WLS: variants seen among roughly 807,000 people sequenced by gnomAD.
WLS encodes the protein Wnt ligand secretion mediator.
WLS carries 23 observed loss-of-function variants against 62.8 expected under a neutral mutation model. That is an observed-to-expected ratio of 0.37 (90% confidence interval 0.26 to 0.52). The LOEUF (loss-of-function observed/expected upper bound fraction) is 0.52, where lower values mean the gene tolerates loss of function less well. WLS is among the 20% of genes least tolerant of loss of function. The pLI is 0.92. For missense variants in WLS, 615 were observed against 697.3 expected (o/e 0.88, Z 1.33); for synonymous variants, 246 against 244.1 (o/e 1.01, Z -0.07).
intron 3 of WLS, 116 bp from the exon 4 acceptor site, chr1:68,155,376 C>G: frequency 7.8e-7 from 1 of 1,288,700 alleles, no homozygotes. Flanking sequence ...TAAAGGTACA[C>G]TTTAGACGTA....
chr1:68,126,482 G>T, intron 11 of WLS, 147 bp from the exon 12 acceptor site: 1 of 1,101,292 alleles, frequency 9.1e-7, no homozygotes, highest in Non-Finnish European at 1.3e-6. Context: ...TTCAGAACAA[G>T]GACTAACTCC....
At chr1:68,181,937 G>A (rs1165183339) in intron 2 of WLS, among the ~76,000 whole-genome samples, 1 of 152,154 alleles carries the variant, frequency 6.6e-6, no homozygotes, top group Non-Finnish European at 1.5e-5. Flanking sequence ...GTTGATGATT[G>A]TTAGACCAGC....
intron 11 of WLS, among the ~76,000 whole-genome samples, chr1:68,132,402 T>C (rs1197698515): frequency 6.6e-6 from 1 of 152,116 alleles, no homozygotes; most frequent in East Asian, 1.9e-4. Context: ...GATCATCTAA[T>C]GTACAATCAG....
chr1:68,177,569 G>T lies in WLS; in HGVS notation c.379+16386C>A, dbSNP rs144516524. ...GACAGAATCTCAACCAGGCAGGAGG[G>T]CAGTGGCGCAACCTTCTGGGCCCAA... On this transcript the variant is annotated intron_variant, in intron 2 of 11. Transcript: ENST00000262348. Among the ~76,000 whole-genome samples, 626 of 152,172 alleles carry T rather than the reference G, an allele frequency of 4.1e-3. 3 individuals are homozygous for T. The highest frequency in any genetic ancestry group is 0.014 in the African/African-American group (577 of 41,514).
chr1:68,172,367 C>A (rs1647167717), intron 2 of WLS, among the ~76,000 whole-genome samples: 1 of 150,450 alleles, frequency 6.6e-6, no homozygotes, highest in African/African-American at 2.4e-5. Flanking sequence ...AAATACAAAT[C>A]TTATATAGAA....
chr1:68,144,027 C>T (rs576551738), intron 10 of WLS, among the ~76,000 whole-genome samples: 3 of 152,292 alleles, frequency 2.0e-5, no homozygotes, highest in African/African-American at 7.2e-5. Flanking sequence ...TAGATTTAAA[C>T]AGTACTTCCC....
intron 2 of WLS, among the ~76,000 whole-genome samples, chr1:68,193,209 C>T (rs1648438121): frequency 6.6e-6 from 1 of 151,368 alleles, no homozygotes; most frequent in South Asian, 2.1e-4. Context: ...TTCCCTTTCC[C>T]TCACATCCTT....
intron 11 of WLS, among the ~76,000 whole-genome samples, chr1:68,108,218 C>G (rs1038585048): frequency 6.6e-6 from 1 of 152,164 alleles, no homozygotes; most frequent in African/African-American, 2.4e-5. Flanking sequence ...GACTGGAACT[C>G]TGGATGCCTG....
At position 68,187,782 on chromosome 1, in the gene WLS, CA is replaced by C. The variant is rs145333147; in HGVS notation, c.379+6172del. On this transcript the variant is annotated intron_variant, in intron 2 of 11. Transcript: ENST00000262348. ...AATACAAAACATCATTAGAAACTGG[CA>C]AAAAAAAAAGTAGCTAAAAGTATTC... Among the ~76,000 whole-genome samples, 1,341 of 147,110 alleles carry C rather than the reference CA, an allele frequency of 9.1e-3. 6 individuals are homozygous for C. The highest frequency in any genetic ancestry group is 0.012 in the Non-Finnish European group (807 of 66,660).
chr1:68,210,162 A>G (rs763930737), intron 1 of WLS, among the ~76,000 whole-genome samples: 2 of 152,222 alleles, frequency 1.3e-5, no homozygotes, highest in Non-Finnish European at 2.9e-5. Flanking sequence ...AAATAGGAAA[A>G]TGGTGCTCTC....
intron 10 of WLS, among the ~76,000 whole-genome samples, chr1:68,144,150 A>T (rs1557472971): frequency 3.3e-5 from 5 of 152,240 alleles, no homozygotes; most frequent in Admixed American, 3.3e-4. Flanking sequence ...GCTATCAAAG[A>T]GACTTTTGAA....
intron 11 of WLS, among the ~76,000 whole-genome samples, chr1:68,135,595 A>G (rs1646597664): frequency 6.6e-6 from 1 of 152,240 alleles, no homozygotes; most frequent in African/African-American, 2.4e-5. Context: ...GCTGTAGCAC[A>G]CAGTCAGTAC....
chr1:68,190,145 C>T (rs1363377283), intron 2 of WLS, among the ~76,000 whole-genome samples: 1 of 152,114 alleles, frequency 6.6e-6, no homozygotes, highest in Non-Finnish European at 1.5e-5. Context: ...AAGAGCGGTT[C>T]TGTAACTTCC....
intron 11 of WLS, among the ~76,000 whole-genome samples, chr1:68,105,005 C>A (rs181285529): frequency 7.9e-5 from 12 of 152,372 alleles, no homozygotes; most frequent in Non-Finnish European, 1.5e-4. Flanking sequence ...AAGTCTTAGG[C>A]AGTCACTGCC....
chr1:68,104,298 C>T (rs541758194), intron 11 of WLS, among the ~76,000 whole-genome samples: 2 of 152,118 alleles, frequency 1.3e-5, no homozygotes, highest in South Asian at 2.1e-4. Context: ...CTACCATTAT[C>T]GGTGGAGATG....
chr1:68,184,293 T>C (rs1647776731), intron 2 of WLS, among the ~76,000 whole-genome samples: 1 of 152,198 alleles, frequency 6.6e-6, no homozygotes, highest in Admixed American at 6.5e-5. Flanking sequence ...GTATACTAAG[T>C]GTATGACTTG....
intron 1 of WLS, among the ~76,000 whole-genome samples, chr1:68,216,967 C>T (rs1311326909): frequency 6.6e-6 from 1 of 152,166 alleles, no homozygotes; most frequent in African/African-American, 2.4e-5. Context: ...GACTTAAATA[C>T]TTTTCTTCTA....
chr1:68,121,901 T>TTA (rs1646368147), downstream of WLS, among the ~76,000 whole-genome samples: 1 of 152,158 alleles, frequency 6.6e-6, no homozygotes, highest in Non-Finnish European at 1.5e-5. Flanking sequence ...AGGCACAGGG[T>TTA]TAGGCCATTA....
chr1:68,173,759 G>A (rs1279105558), intron 2 of WLS, among the ~76,000 whole-genome samples: 2 of 152,100 alleles, frequency 1.3e-5, no homozygotes, highest in South Asian at 2.1e-4. Context: ...CAGATGAACC[G>A]CTACAGAGAT....
Sources: allele counts gnomAD v4.1 joint callset (sites outside exome capture counted in the v4.1 genomes callset), GRCh38; gene constraint gnomAD v4.1.1; transcripts MANE v1.5; gene names NCBI Gene and HGNC (gene_info 2026-07-23, HGNC 2026-07-21).